PDLIM2: variants seen among roughly 807,000 people sequenced by gnomAD.
The protein encoded by PDLIM2 is PDZ and LIM domain 2.
In PDLIM2, 51 loss-of-function variants were observed where a neutral mutation model predicts 54.1. The ratio of observed to expected loss-of-function variants is 0.94; its 90% CI spans 0.75 to 1.19. The LOEUF (loss-of-function observed/expected upper bound fraction) is 1.19. Ranked by LOEUF, PDLIM2 falls within the 50% of genes most tolerant of loss-of-function variation. PDLIM2 has a pLI of 0.00. For missense variants in PDLIM2, 912 were observed against 874.0 expected, an observed-to-expected ratio of 1.04 and a Z score of -0.55; for synonymous variants, 398 against 385.6, an observed-to-expected ratio of 1.03 and a Z score of -0.38.
At chr8:22,586,986 C>G (rs1021619981) in intron 6 of PDLIM2, among the ~76,000 whole-genome samples, 8 of 152,198 alleles carry the variant, frequency 5.3e-5, no homozygotes, top group Non-Finnish European at 1.2e-4. Context: ...ACCAGCCCCC[C>G]TTCCTCTCCC....
intron 9 of PDLIM2, 115 bp downstream of exon 8, chr8:22,591,783 C>T: frequency 2.2e-6 from 2 of 922,908 alleles, no homozygotes; most frequent in South Asian, 1.7e-5. Flanking sequence ...ACTGGGTACC[C>T]AGTCGGGGAC....
At chr8:22,585,635 A>ACCCCCCCCCTCCCCCCCCTCCCCTCACC (rs1800353016) in intron 6 of PDLIM2, 1 of 115,388 alleles carries the variant, frequency 8.7e-6, no homozygotes, top group Non-Finnish European at 1.5e-5. Flanking sequence ...CATCTCCTGC[A>ACCCCCCCCCTCCCCCCCCTCCCCTCACC]CCCCTCCCCT....
intron 9 of PDLIM2, 78 bp downstream of exon 8, chr8:22,591,746 G>C (rs1800556553): frequency 7.4e-7 from 1 of 1,350,718 alleles, no homozygotes; most frequent in Non-Finnish European, 1.0e-6. Flanking sequence ...ATGCTTTCAG[G>C]AAGGGCCGGG....
chr8:22,593,945 C>A, exon 10 of PDLIM2: 1 of 1,540,734 alleles, frequency 6.5e-7, no homozygotes, highest in Non-Finnish European at 8.7e-7. Context: ...CACTGCTGGG[C>A]CAGGGTCATG....
In PDLIM2 at chr8:22,581,499, AG is replaced by A; in HGVS notation, c.965del (p.Ser322ThrfsTer37). The A allele has an allele frequency of 2.5e-6, 4 of 1,599,174 alleles. No individual in the cohort carries two copies. The highest frequency in any genetic ancestry group is 3.4e-6 in the Non-Finnish European group (4 of 1,176,038). On this transcript the variant is annotated frameshift_variant, in exon 3 of 10. Coordinates refer to ENST00000308354, the Ensembl canonical transcript of PDLIM2. LOFTEE classifies it high-confidence loss of function. Reference sequence around the variant, plus strand: ...CGAGGCCCAGAGCAAGATCCGCCAGAGCCCCTCGCCCCTGCGGCTGCAGCTG... The same window carrying A: ...CGAGGCCCAGAGCAAGATCCGCCAGACCCCTCGCCCCTGCGGCTGCAGCTG...
chr8:22,579,030 G>C, exon 1 of PDLIM2: 2 of 1,241,024 alleles, frequency 1.6e-6, no homozygotes, highest in Non-Finnish European at 2.0e-6. Context: ...TGGGCTCGCC[G>C]CGCGGAGGCG....
intron 7 of PDLIM2, 61 bp downstream of exon 6, chr8:22,589,435 A>G: frequency 6.5e-7 from 1 of 1,529,220 alleles, no homozygotes; most frequent in Non-Finnish European, 8.8e-7. Flanking sequence ...GGCAGGAGGG[A>G]GACGGGCTTC....
At chr8:22,579,111 C>A in exon 1 of PDLIM2, 1 of 1,273,746 alleles carries the variant, frequency 7.9e-7, no homozygotes, top group Non-Finnish European at 9.9e-7. Flanking sequence ...GGTCCGGGAG[C>A]CCCGGGCGGG....
At chr8:22,593,688 G>C in intron 9 of PDLIM2, 45 bp from the exon 9 acceptor site, 1 of 1,524,384 alleles carries the variant, frequency 6.6e-7, no homozygotes, top group Non-Finnish European at 8.8e-7. Context: ...GTGGCCTCCT[G>C]CTTGGTGCTG....
chr8:22,584,925 C>G, intron 4 of PDLIM2, 35 bp downstream of exon 3: 2 of 1,614,022 alleles, frequency 1.2e-6, no homozygotes, highest in Non-Finnish European at 1.7e-6. Context: ...GCCTCAGCAC[C>G]CTGATCACTG....
At chr8:22,578,893 C>G in exon 1 of PDLIM2, 1 of 1,238,174 alleles carries the variant, frequency 8.1e-7, no homozygotes, top group African/African-American at 1.5e-5. Flanking sequence ...GTGCTCCGGG[C>G]AGTCGGGGGC....
exon 1 of PDLIM2, chr8:22,579,295 G>C: frequency 7.2e-7 from 1 of 1,386,990 alleles, no homozygotes; most frequent in Admixed American, 3.6e-5. Context: ...CCGCGCCCCT[G>C]TCGGCGCGGA....
At chr8:22,589,089 C>G (rs2117359593) in intron 6 of PDLIM2, 1 of 496,046 alleles carries the variant, frequency 2.0e-6, no homozygotes, top group East Asian at 2.9e-5. Context: ...TGCGCCCTGG[C>G]TCCGAGGGAA....
chr8:22,581,050 G>T (rs1164631168), intron 2 of PDLIM2: 1 of 662,094 alleles, frequency 1.5e-6, no homozygotes, highest in African/African-American at 1.8e-5. Flanking sequence ...AACATTCACA[G>T]GAGGGCTGTG....
rs934731136 is a variant in PDLIM2 at position 22,589,174 on chromosome 8, C to A, written c.1291-124C>A. On this transcript the variant is annotated intron_variant, in intron 6 of 9. Coordinates refer to ENST00000308354, the Ensembl canonical transcript of PDLIM2. ...GGCTCCAAGGGAAGGGGCAGGGGTC[C>A]GCTGGTCGGCGAGGGCCGGGGGCCC... 5.3e-6 allele frequency: 5 copies of A among 936,976 alleles called. No homozygotes were observed. The Admixed American group carries it at 6.5e-5, about 12-fold the overall frequency. The allele number at this position is 936,976 out of a possible 1,614,324, so 58.0% of individuals were successfully genotyped here.
Position 22,589,156 on chromosome 8 carries a change from A to C in PDLIM2, c.1291-142A>C, listed in dbSNP as rs1214304303. The C allele has an allele frequency of 6.6e-6, 5 of 752,426 alleles. No homozygotes were observed. In the East Asian group the frequency reaches 1.4e-4, roughly 21 times the overall value. The allele number at this position is 752,426 out of a possible 1,614,324, so 46.6% of individuals were successfully genotyped here. ...GGGAGCCCCCGACACCTTGGCTCCA[A>C]GGGAAGGGGCAGGGGTCCGCTGGTC... On this transcript the variant is annotated intron_variant, in intron 6 of 9. Coordinates refer to ENST00000308354, the Ensembl canonical transcript of PDLIM2.
At chr8:22,589,837 G>T in intron 8 of PDLIM2, 96 bp downstream of exon 7, 1 of 1,481,406 alleles carries the variant, frequency 6.8e-7, no homozygotes. Flanking sequence ...TTAAGTGCCT[G>T]TGAGGTGCTC....
At chr8:22,595,342 A>G (rs1800663645), downstream of PDLIM2, 1 of 151,740 alleles carries the variant, frequency 6.6e-6, no homozygotes, top group South Asian at 2.1e-4. Context: ...CTGGCGCGGG[A>G]CTCCATGAGC....
chr8:22,597,102 G>A (rs936221822), downstream of PDLIM2: 3 of 152,284 alleles, frequency 2.0e-5, no homozygotes, highest in African/African-American at 7.2e-5. Flanking sequence ...AGCTCCAGCT[G>A]AGCTTGCAGG....
Sources: gnomAD v4.1 joint callset for allele counts (sites outside exome capture counted in the v4.1 genomes callset) on GRCh38, gnomAD v4.1.1 for gene constraint, MANE v1.5 for transcripts, NCBI Gene and HGNC (gene_info 2026-07-23, HGNC 2026-07-21) for gene names.